The following PARD3 variants were observed in gnomAD, a reference collection of about 807,000 sequenced individuals.
PARD3 encodes par-3 family cell polarity regulator, also known as partitioning defective 3 homolog.
PARD3 carries 75 observed loss-of-function variants against 155.4 expected under a neutral mutation model. That is an observed-to-expected ratio of 0.48 (90% CI 0.40 to 0.58). The LOEUF is 0.58. PARD3 is among the 20% of genes least tolerant of loss of function. The pLI, the probability that PARD3 is intolerant of heterozygous loss-of-function variation, is 0.00. For synonymous variants in PARD3, 576 were observed against 610.5 expected, an observed-to-expected ratio of 0.94 and a Z score of 0.83; for missense variants, 1,642 against 1,721.7, an observed-to-expected ratio of 0.95 and a Z score of 0.82.
intron 22 of PARD3, among the ~76,000 whole-genome samples, chr10:34,262,966 C>A (rs1004797831): frequency 6.6e-6 from 1 of 152,164 alleles, no homozygotes; most frequent in Non-Finnish European, 1.5e-5. Context: ...GGAAACAGTT[C>A]ATGATGTGAT....
At chr10:34,702,571 T>C (rs2094298908) in intron 1 of PARD3, among the ~76,000 whole-genome samples, 1 of 152,104 alleles carries the variant, frequency 6.6e-6, no homozygotes, top group South Asian at 2.1e-4. Context: ...TAGAGGTGCC[T>C]TGTTGAAAAT....
intron 22 of PARD3, among the ~76,000 whole-genome samples, chr10:34,253,315 C>CCAG (rs1954442427): frequency 6.6e-6 from 1 of 152,196 alleles, no homozygotes; most frequent in East Asian, 1.9e-4. Flanking sequence ...CCCTCATGCT[C>CCAG]CAGCAAAGCC....
At chr10:34,533,520 T>C (rs184750525) in intron 2 of PARD3, among the ~76,000 whole-genome samples, 1 of 152,088 alleles carries the variant, frequency 6.6e-6, no homozygotes, top group Non-Finnish European at 1.5e-5. Context: ...AAAAATATGA[T>C]TGCAGGCAGG....
chr10:34,597,280 T>TTTTTG (rs1189008183), intron 2 of PARD3, among the ~76,000 whole-genome samples: 1 of 151,794 alleles, frequency 6.6e-6, no homozygotes, highest in Non-Finnish European at 1.5e-5. Context: ...TTAGCGCTTT[T>TTTTTG]TTTTGTTTTT....
chr10:34,297,596 T>C (rs1956965601), intron 20 of PARD3, among the ~76,000 whole-genome samples: 2 of 152,290 alleles, frequency 1.3e-5, no homozygotes, highest in African/African-American at 4.8e-5. Context: ...CCCACGACCA[T>C]TTCAGTGGTA....
rs3824713 is a variant in PARD3, at chr10:34,125,475, G to T, written c.3541-5735C>A. 9.2e-5 allele frequency among the ~76,000 whole-genome samples: 14 copies of T among 152,306 alleles called. No homozygotes were observed. The East Asian group carries it at 2.7e-3, about 29-fold the overall frequency. On this transcript the variant is annotated intron_variant, in intron 23 of 24. Coordinates refer to ENST00000374788, the MANE Select transcript of PARD3 (RefSeq NM_001184785.2). ...TTTTTTGAGTCAAGGCATGGAGGCC[G>T]CTAGGAGAAAATGAGAGCAGATACT...
intron 1 of PARD3, among the ~76,000 whole-genome samples, chr10:34,720,573 G>A (rs750003163): frequency 2.6e-4 from 40 of 151,850 alleles, no homozygotes; most frequent in Admixed American, 7.2e-4. Context: ...TGAAGCGGGC[G>A]GATCACCTGA....
At chr10:34,513,798 C>T (rs918512946) in intron 3 of PARD3, among the ~76,000 whole-genome samples, 1 of 152,170 alleles carries the variant, frequency 6.6e-6, no homozygotes, top group African/African-American at 2.4e-5. Context: ...ATCTGGGCTG[C>T]AGAGTTCTCT....
intron 22 of PARD3, among the ~76,000 whole-genome samples, chr10:34,186,466 C>G (rs963734419): frequency 6.6e-6 from 1 of 152,064 alleles, no homozygotes; most frequent in Admixed American, 6.5e-5. Flanking sequence ...CCATTGTACC[C>G]TAATGGTTCC....
intron 2 of PARD3, among the ~76,000 whole-genome samples, chr10:34,590,532 G>C (rs1485896279): frequency 6.6e-6 from 1 of 152,190 alleles, no homozygotes; most frequent in African/African-American, 2.4e-5. Flanking sequence ...AAAACTGGGA[G>C]TGGGCAGAGT....
chr10:34,370,109 A>G (rs1212833188), intron 12 of PARD3, among the ~76,000 whole-genome samples: 1 of 152,254 alleles, frequency 6.6e-6, no homozygotes, highest in Non-Finnish European at 1.5e-5. Context: ...AGAGAGGCAC[A>G]GATGTGAGAG....
At chr10:34,288,633 T>C (rs1490467500) in intron 20 of PARD3, among the ~76,000 whole-genome samples, 5 of 152,200 alleles carry the variant, frequency 3.3e-5, no homozygotes, top group African/African-American at 1.2e-4. Context: ...AATCAACCTA[T>C]GAAGACAATC....
chr10:34,234,745 T>C (rs747621048), intron 22 of PARD3, among the ~76,000 whole-genome samples: 2 of 152,214 alleles, frequency 1.3e-5, no homozygotes, highest in Non-Finnish European at 2.9e-5. Context: ...AACTCACCAC[T>C]ATGTACCCAG....
intron 22 of PARD3, among the ~76,000 whole-genome samples, chr10:34,226,320 C>A (rs973051664): frequency 5.3e-5 from 8 of 152,170 alleles, no homozygotes; most frequent in African/African-American, 1.9e-4. Flanking sequence ...GAGGCTGAGG[C>A]GGGTGGATCA....
At chr10:34,581,401 A>C (rs1276551559) in intron 2 of PARD3, among the ~76,000 whole-genome samples, 1 of 151,368 alleles carries the variant, frequency 6.6e-6, no homozygotes, top group African/African-American at 2.4e-5. Flanking sequence ...CGCCCGGCTA[A>C]TTTTTTGTAT....
At chr10:34,229,089 C>G (rs1171672184) in intron 22 of PARD3, among the ~76,000 whole-genome samples, 2 of 152,044 alleles carry the variant, frequency 1.3e-5, no homozygotes, top group Non-Finnish European at 2.9e-5. Context: ...TCCCCTGTCC[C>G]TTTGACTCAG....
At chr10:34,464,891 T>C (rs548909878) in intron 4 of PARD3, among the ~76,000 whole-genome samples, 2 of 152,300 alleles carry the variant, frequency 1.3e-5, no homozygotes, top group South Asian at 4.1e-4. Context: ...ATCTTCAAAA[T>C]TTCAAATTAC....
chr10:34,545,721 A>AT (rs1255253078), intron 2 of PARD3, among the ~76,000 whole-genome samples: 5 of 151,736 alleles, frequency 3.3e-5, no homozygotes, highest in Admixed American at 6.6e-5. Context: ...CGCCCGGCTA[A>AT]TTTTTTTTGT....
In PARD3 at chr10:34,249,966, TG is replaced by T. The variant is rs563781762; in HGVS notation, c.3419+19690del. Among the ~76,000 whole-genome samples, 4 of 152,244 alleles carry T rather than the reference TG, an allele frequency of 2.6e-5. No individual in the cohort carries two copies. The South Asian group carries it at 6.2e-4, about 24-fold the overall frequency. ...TATATGCATGGATAGCAATCTCATC[TG>T]GTGAGCATGCCACACACGAGATGCT... is the stretch of plus-strand genomic sequence containing the variant. On this transcript the variant is annotated intron_variant, in intron 22 of 24. Transcript: ENST00000374788.
Sources: allele counts gnomAD v4.1 joint callset (sites outside exome capture counted in the v4.1 genomes callset), GRCh38; gene constraint gnomAD v4.1.1; transcripts MANE v1.5; gene names NCBI Gene and HGNC (gene_info 2026-07-23, HGNC 2026-07-21).